Variants in TNFRSF1B observed in about 807,000 individuals in gnomAD.
TNFRSF1B encodes tumor necrosis factor receptor superfamily member 1B.
In TNFRSF1B, 19 loss-of-function variants were observed where a neutral mutation model predicts 44.6. That is an observed-to-expected ratio of 0.43 (90% CI 0.30 to 0.62). The LOEUF (loss-of-function observed/expected upper bound fraction) is 0.62, where lower values mean the gene tolerates loss of function less well. Ranked by LOEUF, TNFRSF1B falls within the 20% of genes least tolerant of loss-of-function variation. The pLI is 0.16. For synonymous variants in TNFRSF1B, 252 were observed against 261.1 expected (o/e 0.97, Z 0.34); for missense variants, 541 against 619.9 (o/e 0.87, Z 1.35).
intron 1 of TNFRSF1B, among the ~76,000 whole-genome samples, chr1:12,188,158 C>T (rs1375916615): frequency 6.6e-6 from 1 of 152,188 alleles, no homozygotes; most frequent in Non-Finnish European, 1.5e-5. Flanking sequence ...GATGACAAGG[C>T]TGCCACCTCT....
chr1:12,192,400 G>A, intron 4 of TNFRSF1B, 31 bp from the exon 5 acceptor site: 4 of 1,610,440 alleles, frequency 2.5e-6, no homozygotes, highest in African/African-American at 1.3e-5. Flanking sequence ...GAGTGTCTGA[G>A]TGGTTGACAA....
chr1:12,189,628 C>A (rs1173557844), intron 2 of TNFRSF1B, among the ~76,000 whole-genome samples: 1 of 152,220 alleles, frequency 6.6e-6, no homozygotes, highest in Admixed American at 6.5e-5. Context: ...TGGGAATACA[C>A]AGAGAGCAGG....
Position 12,191,054 on chromosome 1 carries a change from G to C in TNFRSF1B, c.276G>C (p.Glu92Asp), listed in dbSNP as rs1220277863. ...TYTQLWNWVP[E>D]CLSCGSRCSS... is the part of the protein sequence containing the mutation. ...CCCAGCTCTGGAACTGGGTTCCCGA[G>C]TGCTTGAGCTGTGGCTCCCGCTGTA... The change falls in exon 3 of 10, where the codon GAG becomes GAC. Residue 92 changes from glutamate to aspartate, a missense_variant. Transcript: ENST00000376259. 6.2e-7 allele frequency: 1 copy of C among 1,614,202 alleles called. No individual in the cohort carries two copies. The highest frequency in any genetic ancestry group is 1.1e-5 in the South Asian group (1 of 91,084).
At chr1:12,193,198 G>T in intron 6 of TNFRSF1B, 100 bp downstream of exon 6, 3 of 1,092,542 alleles carry the variant, frequency 2.7e-6, no homozygotes, top group Non-Finnish European at 4.1e-6. Flanking sequence ...CCCACGGGGG[G>T]CTGGACCCTG....
intron 3 of TNFRSF1B, 113 bp from the exon 4 acceptor site, chr1:12,191,661 C>A: frequency 7.3e-7 from 1 of 1,376,134 alleles, no homozygotes; most frequent in Non-Finnish European, 1.0e-6. Context: ...CATGCTGAGG[C>A]GGTCCGCCAG....
intron 2 of TNFRSF1B, among the ~76,000 whole-genome samples, chr1:12,190,212 T>A (rs1487688748): frequency 2.6e-5 from 4 of 152,140 alleles, no homozygotes; most frequent in African/African-American, 7.2e-5. Flanking sequence ...TTTAAGAAGT[T>A]ACTAGAGAGG....
At chr1:12,173,951 G>A (rs1424273479) in intron 1 of TNFRSF1B, among the ~76,000 whole-genome samples, 4 of 152,124 alleles carry the variant, frequency 2.6e-5, no homozygotes, top group African/African-American at 9.7e-5. Flanking sequence ...TCGCTGATGG[G>A]GGGTTGGAAG....
At chr1:12,205,608 G>A (rs1487909709) in intron 9 of TNFRSF1B, among the ~76,000 whole-genome samples, 3 of 152,040 alleles carry the variant, frequency 2.0e-5, no homozygotes, top group Non-Finnish European at 2.9e-5. Flanking sequence ...GGTGACCCTT[G>A]CAGAAGTCAT....
intron 8 of TNFRSF1B, among the ~76,000 whole-genome samples, chr1:12,198,691 G>GCTTTTTTTTTTT (rs1639322250): frequency 1.2e-5 from 1 of 85,652 alleles, no homozygotes; most frequent in Non-Finnish European, 2.2e-5. Flanking sequence ...CTGGAATTCT[G>GCTTTTTTTTTTT]TTTTTTTTTT....
intron 8 of TNFRSF1B, 52 bp downstream of exon 8, chr1:12,194,670 G>T: frequency 6.3e-7 from 1 of 1,597,840 alleles, no homozygotes; most frequent in Non-Finnish European, 8.6e-7. Context: ...CCTTCCCGGC[G>T]TGCTGGGCTG....
rs1211495838 is a variant in TNFRSF1B at position 12,206,907 on chromosome 1, A to G, written c.1273A>G (p.Lys425Glu). 6.2e-7 allele frequency: 1 copy of G among 1,614,196 alleles called. No individual in the cohort carries two copies. The highest frequency in any genetic ancestry group is 2.2e-5 in the East Asian group (1 of 44,884). The stretch of plus-strand genomic sequence containing the variant: ...GAAGGACGAGCAGGTCCCCTTCTCC[A>G]AGGAGGAATGTGCCTTTCGGTCACA... ...SPKDEQVPFS[K>E]EECAFRSQLE... The change falls in exon 10 of 10, where the codon AAG (lysine) becomes GAG (glutamate). Residue 425 changes from lysine to glutamate, a missense_variant. Physicochemically the swap from Lys to Glu is moderately conservative, Grantham distance 56 (BLOSUM62 1). Transcript: ENST00000376259.
rs1205929162 is a variant in TNFRSF1B, at chr1:12,207,397, CT to C, written c.*378del. ...TTTGTTTGTTTGTTTGTTTCTCCCC[CT>C]GGGCTCTGCCCCAGCTCTGGCTTCC... On this transcript the variant is annotated 3_prime_UTR_variant, in exon 10 of 10. Coordinates refer to ENST00000376259, the MANE Select transcript of TNFRSF1B (RefSeq NM_001066.3). 9.4e-6 allele frequency: 2 copies of C among 212,112 alleles called. No homozygotes were observed. The highest frequency in any genetic ancestry group is 2.3e-5 in the African/African-American group (1 of 43,622). 13.1% of individuals were successfully genotyped at this position (212,112 alleles called of 1,614,324 possible).
chr1:12,196,292 C>G (rs1183119420), intron 8 of TNFRSF1B, among the ~76,000 whole-genome samples: 2 of 152,136 alleles, frequency 1.3e-5, no homozygotes, highest in Non-Finnish European at 2.9e-5. Flanking sequence ...TAGAGCAAGA[C>G]TCCATCTCAA....
chr1:12,192,316 G>A (rs1425134288), intron 4 of TNFRSF1B, 115 bp from the exon 5 acceptor site: 2 of 791,686 alleles, frequency 2.5e-6, no homozygotes, highest in African/African-American at 1.7e-5. Context: ...GTAAGGGGTG[G>A]AGGTGCAGAC....
Position 12,183,716 on chromosome 1 carries a change from TCTAC to T in TNFRSF1B, c.79-5076_79-5073del, listed in dbSNP as rs755741850. Among the ~76,000 whole-genome samples, 231 of 106,320 alleles carry T rather than the reference TCTAC, an allele frequency of 2.2e-3. 18 individuals carry two copies. Among genetic ancestry groups the T allele is most frequent in the East Asian group, 6.4e-3 (25 of 3,890 alleles). 69.8% of individuals were successfully genotyped at this position (106,320 alleles called of 152,430 possible). Reference sequence around the variant, plus strand: ...TCTATCTATCTATCTATCTATTCTATCTACCTATCTATCTATCTATCTATCTATC... The same window carrying T: ...TCTATCTATCTATCTATCTATTCTATCTATCTATCTATCTATCTATCTATC... On this transcript the variant is annotated intron_variant, in intron 1 of 9. Coordinates refer to ENST00000376259, the MANE Select transcript of TNFRSF1B (RefSeq NM_001066.3).
At chr1:12,197,717 G>A (rs1341488376) in intron 8 of TNFRSF1B, among the ~76,000 whole-genome samples, 2 of 152,220 alleles carry the variant, frequency 1.3e-5, no homozygotes, top group Admixed American at 6.5e-5. Context: ...CCAGTGGAGA[G>A]TCCTCTTGAG....
Position 12,168,375 on chromosome 1 carries a change from C to T in TNFRSF1B, c.78+1206C>T, listed in dbSNP as rs923832144. On this transcript the variant is annotated intron_variant, in intron 1 of 9. Transcript: ENST00000376259. The surrounding 1 kb of genome is among the most constrained non-coding windows in gnomAD (Gnocchi z 4.7). ...ATGGGGGCTGTCAGACTAGAATTGA[C>T]TCACCGACAGTGGGTGTCAGGAGTG... is the stretch of plus-strand genomic sequence containing the variant. Among the ~76,000 whole-genome samples, 3 of 152,210 alleles carry T rather than the reference C, an allele frequency of 2.0e-5. No individual in the cohort carries two copies. Among genetic ancestry groups the T allele is most frequent in the Non-Finnish European group, 4.4e-5 (3 of 68,028 alleles).
Position 12,193,108 on chromosome 1 carries a change from A to T in TNFRSF1B, c.787+10A>T. 6.2e-7 allele frequency: 1 copy of T among 1,600,486 alleles called. No individual in the cohort carries two copies. Among genetic ancestry groups the T allele is most frequent in the Non-Finnish European group, 8.6e-7 (1 of 1,169,588 alleles). ...TTCGCTCTTCCAGTTGGTAAGTCGCAAGAAGTCTCATTCATTCACTCCTTC... is the reference window on the plus strand; with the variant it reads ...TTCGCTCTTCCAGTTGGTAAGTCGCTAGAAGTCTCATTCATTCACTCCTTC... On this transcript the variant is annotated intron_variant, in intron 6 of 9. Coordinates refer to ENST00000376259, the MANE Select transcript of TNFRSF1B (RefSeq NM_001066.3).
At chr1:12,188,042 T>C (rs942474456) in intron 1 of TNFRSF1B, among the ~76,000 whole-genome samples, 1 of 152,198 alleles carries the variant, frequency 6.6e-6, no homozygotes, top group Non-Finnish European at 1.5e-5. Context: ...GCCTGGTACC[T>C]AGGCAGTGCT....
Sources: gnomAD v4.1 joint callset for allele counts (sites outside exome capture counted in the v4.1 genomes callset) on GRCh38, gnomAD v4.1.1 for gene constraint, Gnocchi (gnomAD v3.1) non-coding constraint, MANE v1.5 for transcripts, NCBI Gene and HGNC (gene_info 2026-07-23, HGNC 2026-07-21) for gene names.